The following SRRM4 variants were observed in gnomAD, a reference collection of about 807,000 sequenced individuals.
SRRM4 encodes serine/arginine repetitive matrix protein 4.
A neutral mutation model predicts 68.9 loss-of-function variants in SRRM4; 33 were observed. The ratio of observed to expected loss-of-function variants is 0.48; its 90% CI spans 0.36 to 0.64. The LOEUF is 0.64. Ranked by LOEUF, SRRM4 falls within the 30% of genes least tolerant of loss-of-function variation. The pLI, the probability that SRRM4 is intolerant of heterozygous loss-of-function variation, is 0.00. For synonymous variants in SRRM4, 318 were observed against 318.8 expected, an observed-to-expected ratio of 1.00 and a Z score of 0.03; for missense variants, 817 against 827.1, an observed-to-expected ratio of 0.99 and a Z score of 0.15.
chr12:119,028,893 A>T (rs564173490), intron 1 of SRRM4, among the ~76,000 whole-genome samples: 1 of 152,338 alleles, frequency 6.6e-6, no homozygotes, highest in African/African-American at 2.4e-5. Context: ...TTGCCAAGTT[A>T]TAGCTGATAG....
chr12:119,076,338 A>T (rs201629941), intron 1 of SRRM4, among the ~76,000 whole-genome samples: 97 of 148,936 alleles, frequency 6.5e-4, no homozygotes, highest in African/African-American at 2.3e-3. Context: ...GGAAAAAAAA[A>T]TGGCTTTGAG....
intron 1 of SRRM4, among the ~76,000 whole-genome samples, chr12:119,036,302 T>C (rs1953626779): frequency 6.6e-6 from 1 of 152,134 alleles, no homozygotes; most frequent in Non-Finnish European, 1.5e-5. Flanking sequence ...AAATTTGATC[T>C]CAATGTCTTT....
rs1017032320 is a variant in SRRM4 at position 119,154,010 on chromosome 12, G to T, written c.1392-233G>T. Among the ~76,000 whole-genome samples, 1 of 151,384 alleles carries T rather than the reference G, an allele frequency of 6.6e-6. No homozygotes were observed. Among genetic ancestry groups the T allele is most frequent in the Admixed American group, 6.6e-5 (1 of 15,188 alleles). On this transcript the variant is annotated intron_variant, in intron 11 of 12. Transcript: ENST00000267260. This position sits in a 1 kb window ranked among gnomAD's most constrained non-coding sequence, Gnocchi z 4.7. ...ACCTGCCCTGCTATGATGCCCACCT[G>T]CAAATGCTGACACCCCTGCACAAGC...
intron 1 of SRRM4, among the ~76,000 whole-genome samples, chr12:119,096,641 C>T (rs991668213): frequency 1.2e-4 from 18 of 152,320 alleles, no homozygotes; most frequent in Middle Eastern, 3.4e-3. Flanking sequence ...TGGGCAAGTC[C>T]CCTTGCCTCT....
At chr12:119,015,682 C>A (rs1160052121) in intron 1 of SRRM4, among the ~76,000 whole-genome samples, 1 of 152,000 alleles carries the variant, frequency 6.6e-6, no homozygotes, top group Non-Finnish European at 1.5e-5. Flanking sequence ...AATCAATATC[C>A]TATTGATTTG....
In SRRM4 at chr12:119,154,337, C is replaced by A; in HGVS notation, c.1486C>A (p.Arg496Ser). The change falls in exon 12 of 13, where the codon CGC becomes AGC. Residue 496 changes from arginine (R) to serine (S), a missense_variant. Transcript: ENST00000267260. This position sits in a 1 kb window ranked among gnomAD's most constrained non-coding sequence, Gnocchi z 4.7. ...TCGGTCCTACTCGCCTATGAGAAAG[C>A]GCCGGAGAGACTCCCCGAGCCACCT... ...RRRSYSPMRK[R>S]RRDSPSHLEA... is the part of the protein sequence containing the mutation. 1.9e-6 allele frequency: 3 copies of A among 1,613,252 alleles called. No individual in the cohort carries two copies. Among genetic ancestry groups the A allele is most frequent in the Non-Finnish European group, 2.5e-6 (3 of 1,179,766 alleles).
chr12:119,011,802 A>C (rs1953451500), intron 1 of SRRM4, among the ~76,000 whole-genome samples: 2 of 152,068 alleles, frequency 1.3e-5, no homozygotes, highest in Non-Finnish European at 2.9e-5. Context: ...GCCGAGTGTC[A>C]GTTGTGGGCA....
intron 11 of SRRM4, 37 bp downstream of exon 11, chr12:119,153,686 G>T: frequency 6.9e-7 from 1 of 1,457,534 alleles, no homozygotes; most frequent in Non-Finnish European, 9.3e-7. Context: ...CCCGTCCTAG[G>T]CCCCACCCCT....
intron 1 of SRRM4, among the ~76,000 whole-genome samples, chr12:119,010,211 C>T (rs1320784916): frequency 6.6e-6 from 1 of 152,210 alleles, no homozygotes; most frequent in Non-Finnish European, 1.5e-5. Context: ...CACCACCACG[C>T]CCGGCTAATT....
intron 1 of SRRM4, among the ~76,000 whole-genome samples, chr12:118,999,152 CCA>C (rs1345845770): frequency 2.0e-5 from 3 of 152,200 alleles, no homozygotes; most frequent in African/African-American, 7.2e-5. Context: ...GACCCAGCCC[CCA>C]CACTGCTGAT....
At chr12:119,067,930 G>T (rs1372041304) in intron 1 of SRRM4, among the ~76,000 whole-genome samples, 1 of 152,132 alleles carries the variant, frequency 6.6e-6, no homozygotes. Flanking sequence ...GCATGTTAGG[G>T]CTAATGATTT....
At chr12:119,041,313 G>T (rs1396918526) in intron 1 of SRRM4, among the ~76,000 whole-genome samples, 1 of 152,142 alleles carries the variant, frequency 6.6e-6, no homozygotes, top group Admixed American at 6.5e-5. Context: ...ATATGATTTT[G>T]ATTGGGCCGC....
In SRRM4 at chr12:119,125,431, C is replaced by G. The variant is rs1193650154; in HGVS notation, c.566C>G (p.Pro189Arg). Residue 189 changes from proline (P) to arginine (R), a missense_variant, in exon 7 of 13, where the codon CCC becomes CGC. Transcript: ENST00000267260. ...CACCGCCACCGCCATCACCGCTGCC[C>G]CTCGCGGTCCCAGAGCTCGGAGTCC... is the stretch of plus-strand genomic sequence containing the variant. ...KSHRHRHHRC[P>R]SRSQSSESRP... 1.2e-6 allele frequency: 2 copies of G among 1,613,694 alleles called. No individual in the cohort carries two copies. The highest frequency in any genetic ancestry group is 3.3e-5 in the Admixed American group (2 of 59,974).
chr12:119,002,349 T>C (rs1417736411), intron 1 of SRRM4, among the ~76,000 whole-genome samples: 2 of 152,228 alleles, frequency 1.3e-5, no homozygotes, highest in Non-Finnish European at 2.9e-5. Flanking sequence ...ATGTATCTAC[T>C]GAACGTGTTC....
intron 1 of SRRM4, among the ~76,000 whole-genome samples, chr12:119,007,547 AT>A (rs1953423617): frequency 6.6e-6 from 1 of 152,242 alleles, no homozygotes; most frequent in East Asian, 1.9e-4. Context: ...CCATCTCATC[AT>A]TTTTAATGCC....
intron 1 of SRRM4, among the ~76,000 whole-genome samples, chr12:119,021,688 A>G (rs1953516744): frequency 6.6e-6 from 1 of 152,214 alleles, no homozygotes. Flanking sequence ...TTGCGACTTC[A>G]TTGAAAGAGA....
At chr12:119,096,380 C>T (rs1422936068) in intron 1 of SRRM4, among the ~76,000 whole-genome samples, 3 of 152,024 alleles carry the variant, frequency 2.0e-5, no homozygotes, top group Non-Finnish European at 4.4e-5. Flanking sequence ...GATGTTCTTG[C>T]CAGTTAATAT....
At chr12:119,001,982 CAAAA>C (rs55674208) in intron 1 of SRRM4, 38,158 of 136,556 alleles carry the variant, frequency 0.28, 5,205 homozygotes, top group Admixed American at 0.32. Flanking sequence ...AAACATGTCT[CAAAA>C]AAAAAAAAAA....
At chr12:119,130,589 T>C (rs2136057772) in intron 7 of SRRM4, 89 bp from the exon 8 acceptor site, 1 of 1,331,438 alleles carries the variant, frequency 7.5e-7, no homozygotes, top group South Asian at 1.5e-5. Flanking sequence ...AAACACACTT[T>C]ATCATCCTCA....
Sources: gnomAD v4.1 joint callset for allele counts (sites outside exome capture counted in the v4.1 genomes callset) on GRCh38, gnomAD v4.1.1 for gene constraint, Gnocchi (gnomAD v3.1) non-coding constraint, MANE v1.5 for transcripts, NCBI Gene and HGNC (gene_info 2026-07-23, HGNC 2026-07-21) for gene names.